Variants in MAST4 observed in about 807,000 individuals in gnomAD.
MAST4 encodes the protein microtubule associated serine/threonine kinase family member 4, also known as microtubule-associated serine/threonine-protein kinase 4.
In MAST4, 89 loss-of-function variants were observed where a neutral mutation model predicts 162.7. The ratio of observed to expected loss-of-function variants is 0.55; its 90% confidence interval spans 0.46 to 0.65. The LOEUF is 0.65. MAST4 is among the 30% of genes least tolerant of loss of function. MAST4 has a pLI of 0.00. For missense variants in MAST4, 3,153 were observed against 3,374.0 expected (o/e 0.93, Z 1.62); for synonymous variants, 1,479 against 1,361.1 (o/e 1.09, Z -1.91).
intron 3 of MAST4, among the ~76,000 whole-genome samples, chr5:66,817,640 TATTC>T (rs1163682530): frequency 6.6e-6 from 1 of 152,216 alleles, no homozygotes; most frequent in East Asian, 1.9e-4. Flanking sequence ...TATACCAAAA[TATTC>T]ATTGTCGTGC....
At chr5:66,726,688 C>T (rs1053871345) in intron 1 of MAST4, among the ~76,000 whole-genome samples, 1 of 152,082 alleles carries the variant, frequency 6.6e-6, no homozygotes, top group Non-Finnish European at 1.5e-5. Flanking sequence ...CTAGGTCATA[C>T]AGCAGGAGGT....
intron 3 of MAST4, among the ~76,000 whole-genome samples, chr5:66,863,899 C>CCTACTCCTT: frequency 6.6e-6 from 1 of 152,272 alleles, no homozygotes; most frequent in East Asian, 1.9e-4. Context: ...GAAAAAGAGC[C>CCTACTCCTT]CTACTCCTTT....
chr5:67,023,231 C>G lies in MAST4; in HGVS notation c.675-31173C>G, dbSNP rs7718232. Among the ~76,000 whole-genome samples, 192 of 152,178 alleles carry G rather than the reference C, an allele frequency of 1.3e-3. 1 individual carries two copies. The highest frequency in any genetic ancestry group is 4.4e-3 in the African/African-American group (183 of 41,526). On this transcript the variant is annotated intron_variant, in intron 4 of 28. Transcript: ENST00000403625. ...TGTTATTGTCCAGCTTAGCTTCAAC[C>G]CACATTAAGCTATGACTTCAGTTTC... is the stretch of plus-strand genomic sequence containing the variant.
intron 3 of MAST4, among the ~76,000 whole-genome samples, chr5:66,856,768 T>C (rs1400750463): frequency 6.6e-6 from 1 of 152,230 alleles, no homozygotes; most frequent in African/African-American, 2.4e-5. Context: ...GATTGTGCTT[T>C]TTATTAAATT....
intron 4 of MAST4, among the ~76,000 whole-genome samples, chr5:66,912,400 A>G (rs999874723): frequency 6.6e-6 from 1 of 152,242 alleles, no homozygotes; most frequent in Admixed American, 6.5e-5. Context: ...AAGAATAAGC[A>G]GAAGGTTTTT....
chr5:67,164,932 C>T lies in MAST4; in HGVS notation c.5753C>T (p.Pro1918Leu), dbSNP rs1385190285. ...RSPGTVMESN[P>L]QQREGSSPKH... ...CCTGGAACAGTCATGGAAAGCAATC[C>T]CCAACAGAGAGAGGGCAGCTCCCCT... Residue 1918 changes from proline (P) to leucine (L), a missense_variant, in exon 29 of 29, where the codon CCC becomes CTC. By Grantham distance (98) the Pro-to-Leu change is moderately conservative. Around this residue, in one of 7 missense-constraint regions of MAST4, gnomAD observed 1,644 missense variants for 1,495.0 expected, o/e 1.10. Coordinates refer to ENST00000403625, the MANE Select transcript of MAST4 (RefSeq NM_001164664.2). This position sits in a 1 kb window ranked among gnomAD's most constrained non-coding sequence, Gnocchi z 5.3. The T allele has an allele frequency of 1.2e-6, 2 of 1,613,822 alleles. No individual in the cohort carries two copies. Among genetic ancestry groups the T allele is most frequent in the Non-Finnish European group, 1.7e-6 (2 of 1,179,886 alleles).
intron 1 of MAST4, among the ~76,000 whole-genome samples, chr5:66,698,354 A>G (rs1749545212): frequency 6.7e-6 from 1 of 150,280 alleles, no homozygotes; most frequent in Admixed American, 6.7e-5. Flanking sequence ...CAGCTGTCTT[A>G]CCCACCCCTT....
At chr5:66,721,972 C>A (rs1359643164) in intron 1 of MAST4, among the ~76,000 whole-genome samples, 2 of 152,032 alleles carry the variant, frequency 1.3e-5, no homozygotes, top group African/African-American at 4.8e-5. Flanking sequence ...TGCACTGCTG[C>A]TACCCTGGTC....
chr5:66,897,239 A>G (rs1353655845), intron 3 of MAST4, among the ~76,000 whole-genome samples: 2 of 152,202 alleles, frequency 1.3e-5, no homozygotes, highest in African/African-American at 4.8e-5. Flanking sequence ...ACATATGTCA[A>G]GCACAAGCTT....
intron 4 of MAST4, among the ~76,000 whole-genome samples, chr5:67,029,572 G>A (rs527964160): frequency 6.6e-6 from 1 of 152,246 alleles, no homozygotes; most frequent in African/African-American, 2.4e-5. Flanking sequence ...GGAGAGGTTT[G>A]AAAGAAATTG....
At chr5:67,000,058 C>T (rs1159879560) in intron 4 of MAST4, among the ~76,000 whole-genome samples, 2 of 152,208 alleles carry the variant, frequency 1.3e-5, no homozygotes, top group African/African-American at 2.4e-5. Context: ...AAGGATTGCT[C>T]ATTCAGGACA....
intron 3 of MAST4, among the ~76,000 whole-genome samples, chr5:66,853,360 A>G (rs1183425930): frequency 6.6e-6 from 1 of 152,194 alleles, no homozygotes; most frequent in Non-Finnish European, 1.5e-5. Context: ...CTAAATGATC[A>G]TATTTCTTTA....
At chr5:67,077,238 A>G (rs1003212823) in intron 5 of MAST4, among the ~76,000 whole-genome samples, 3 of 152,112 alleles carry the variant, frequency 2.0e-5, no homozygotes, top group South Asian at 2.1e-4. Flanking sequence ...TGAAACTTGA[A>G]TGCACACTGG....
intron 4 of MAST4, among the ~76,000 whole-genome samples, chr5:66,981,474 A>G (rs1297110886): frequency 6.6e-6 from 1 of 152,162 alleles, no homozygotes; most frequent in Non-Finnish European, 1.5e-5. Flanking sequence ...AATCAGCAGT[A>G]TTTACTGCGG....
At chr5:67,074,453 A>G (rs1761355066) in intron 5 of MAST4, among the ~76,000 whole-genome samples, 1 of 152,200 alleles carries the variant, frequency 6.6e-6, no homozygotes, top group African/African-American at 2.4e-5. Flanking sequence ...AATATAATTT[A>G]AGGAAATAAT....
At position 66,808,206 on chromosome 5, in the gene MAST4, G is replaced by T. The variant is rs369638038; in HGVS notation, c.642+19412G>T. On this transcript the variant is annotated intron_variant, in intron 3 of 28. Coordinates refer to ENST00000403625, the MANE Select transcript of MAST4 (RefSeq NM_001164664.2). ...TGTGGGAAGAGCATTGCTTTACACC[G>T]CAGCCTGAGGTTGTTAGGTAGTTTT... Among the ~76,000 whole-genome samples the T allele has an allele frequency of 2.6e-4, 40 of 152,248 alleles. No homozygotes were observed. In the East Asian group the frequency reaches 6.6e-3, roughly 25 times the overall value.
intron 1 of MAST4, among the ~76,000 whole-genome samples, chr5:66,700,296 G>A (rs576935461): frequency 6.6e-6 from 1 of 151,948 alleles, no homozygotes; most frequent in Non-Finnish European, 1.5e-5. Context: ...AATTGTGATG[G>A]TTTATCACTC....
chr5:67,087,113 A>G (rs532541385), intron 5 of MAST4, among the ~76,000 whole-genome samples: 2 of 152,316 alleles, frequency 1.3e-5, no homozygotes, highest in East Asian at 1.9e-4. Flanking sequence ...ACAGAAGTCT[A>G]TAGAATGCTC....
chr5:67,045,529 G>A (rs1454498414), intron 4 of MAST4, among the ~76,000 whole-genome samples: 5 of 152,200 alleles, frequency 3.3e-5, no homozygotes, highest in African/African-American at 4.8e-5. Flanking sequence ...GTCAACAACA[G>A]ACCACATATA....
Sources: allele counts gnomAD v4.1 joint callset (sites outside exome capture counted in the v4.1 genomes callset), GRCh38; gene constraint gnomAD v4.1.1; regional missense constraint gnomAD v4.1.1; non-coding constraint Gnocchi (gnomAD v3.1); transcripts MANE v1.5; gene names NCBI Gene and HGNC (gene_info 2026-07-23, HGNC 2026-07-21).